MORC1: variants seen among roughly 807,000 people sequenced by gnomAD.
The protein encoded by MORC1 is MORC family CW-type zinc finger 1, also known as MORC family CW-type zinc finger protein 1.
Under a neutral mutation model 134.9 loss-of-function variants are expected in MORC1, and 59 were observed. That is an observed-to-expected ratio of 0.44 (90% confidence interval 0.35 to 0.54). The LOEUF (loss-of-function observed/expected upper bound fraction) is 0.54. MORC1 is among the 20% of genes least tolerant of loss of function. The pLI is 0.00. For synonymous variants in MORC1, 395 were observed against 391.7 expected, an observed-to-expected ratio of 1.01 and a Z score of -0.10; for missense variants, 947 against 1,134.5, an observed-to-expected ratio of 0.83 and a Z score of 2.37.
chr3:109,071,960 T>G (rs1044368092), intron 8 of MORC1, among the ~76,000 whole-genome samples: 3 of 152,206 alleles, frequency 2.0e-5, no homozygotes, highest in Non-Finnish European at 2.9e-5. Context: ...AAGCAAGCCT[T>G]TCTAAGAATA....
chr3:109,072,511 C>G (rs1011512688), intron 8 of MORC1, among the ~76,000 whole-genome samples: 4 of 152,152 alleles, frequency 2.6e-5, no homozygotes, highest in African/African-American at 9.7e-5. Flanking sequence ...GCTGTGAGAT[C>G]CATGAAGCTA....
At chr3:109,027,187 T>C (rs1354096379) in intron 17 of MORC1, among the ~76,000 whole-genome samples, 1 of 152,202 alleles carries the variant, frequency 6.6e-6, no homozygotes, top group East Asian at 1.9e-4. Flanking sequence ...GTTTAATTAT[T>C]AGTCAAGAAA....
At position 109,092,189 on chromosome 3, in the gene MORC1, T is replaced by C. The variant is rs9873588; in HGVS notation, c.689+1247A>G. 3.3e-5 allele frequency among the ~76,000 whole-genome samples: 5 copies of C among 151,952 alleles called. No individual in the cohort carries two copies. The East Asian group carries it at 9.6e-4, about 29-fold the overall frequency. ...CACCGGCATATTAATGCTGGCACAG[T>C]GGTTCCCAGCATTTGTGGAACAGCC... On this transcript the variant is annotated intron_variant, in intron 8 of 27. Coordinates refer to ENST00000232603, the MANE Select transcript of MORC1 (RefSeq NM_014429.4).
chr3:108,970,651 C>T (rs2593942), intron 25 of MORC1, among the ~76,000 whole-genome samples: 149,067 of 152,298 alleles, frequency 0.98, 73,058 homozygotes, highest in Middle Eastern at 1. Flanking sequence ...CAGGCAACAC[C>T]GAGCATGGAG....
At chr3:109,041,619 C>T (rs1949553731) in intron 14 of MORC1, among the ~76,000 whole-genome samples, 2 of 152,116 alleles carry the variant, frequency 1.3e-5, no homozygotes, top group African/African-American at 2.4e-5. Context: ...GAGGCCAAGG[C>T]GGGCAGCTCA....
intron 23 of MORC1, 33 bp from the exon 24 acceptor site, chr3:108,979,700 T>C (rs1947659782): frequency 1.2e-6 from 2 of 1,604,622 alleles, no homozygotes; most frequent in Non-Finnish European, 1.7e-6. Flanking sequence ...AGAAATCATG[T>C]TAGGTATTAA....
chr3:109,027,898 T>C lies in MORC1; in HGVS notation c.1566-9A>G. 6.2e-7 allele frequency: 1 copy of C among 1,612,722 alleles called. No individual in the cohort carries two copies. Among genetic ancestry groups the C allele is most frequent in the Non-Finnish European group, 8.5e-7 (1 of 1,179,316 alleles). ...ATTCTACCTGATGACAACTTCAGAA[T>C]CAACAAGTACAAGATTAACATCAGG... On this transcript the variant is annotated splice_polypyrimidine_tract_variant and intron_variant, in intron 16 of 27. Coordinates refer to ENST00000232603, the MANE Select transcript of MORC1 (RefSeq NM_014429.4).
rs114679116 is a variant in MORC1 at position 109,054,875 on chromosome 3, C to G, written c.1183G>C (p.Ala395Pro). The change falls in exon 14 of 28, where the codon GCA becomes CCA. Residue 395 changes from alanine to proline, a missense_variant. By Grantham distance (27) the Ala-to-Pro change is conservative. Around this residue, in one of 3 missense-constraint regions of MORC1, gnomAD observed 722 missense variants for 817.0 expected, o/e 0.88. Transcript: ENST00000232603. ...SQLKLKSLLG[A>P]GVVGIVNIPL... ...ATATTAACAATTCCAACCACGCCTG[C>G]GCCAAGTCTGAGAAAATATATGCAT... The G allele has an allele frequency of 4.4e-6, 7 of 1,594,400 alleles. No homozygotes were observed. The South Asian group carries it at 8.1e-5, about 19-fold the overall frequency.
At chr3:109,100,786 G>A (rs533829186) in intron 4 of MORC1, among the ~76,000 whole-genome samples, 23 of 152,246 alleles carry the variant, frequency 1.5e-4, no homozygotes, top group Non-Finnish European at 2.1e-4. Context: ...GACTGACCAC[G>A]TACAGACTTT....
At chr3:108,988,828 A>G (rs967109016) in intron 21 of MORC1, among the ~76,000 whole-genome samples, 15 of 152,278 alleles carry the variant, frequency 9.9e-5, no homozygotes, top group African/African-American at 3.6e-4. Flanking sequence ...CAGCCTCACG[A>G]AATTAATTAT....
intron 2 of MORC1, among the ~76,000 whole-genome samples, chr3:109,111,012 T>C (rs1951154037): frequency 7.7e-6 from 1 of 130,158 alleles, no homozygotes; most frequent in South Asian, 2.4e-4. Flanking sequence ...TGGAATTTAG[T>C]GGGAATTACA....
In MORC1 at chr3:108,971,430, G is replaced by T. The variant is rs371458779; in HGVS notation, c.2478-28C>A. 5 of 1,582,418 alleles carry T rather than the reference G, an allele frequency of 3.2e-6. No individual in the cohort carries two copies. The African/African-American group carries it at 6.7e-5, about 21-fold the overall frequency. On this transcript the variant is annotated intron_variant, in intron 24 of 27. Transcript: ENST00000232603. ...AGGAATACAAGCACAGCAGATATGG[G>T]AATATACTAGGATAACAGAGGTAGC...
chr3:108,965,243 C>G (rs971543976), intron 26 of MORC1, among the ~76,000 whole-genome samples: 1 of 151,954 alleles, frequency 6.6e-6, no homozygotes, highest in Non-Finnish European at 1.5e-5. Flanking sequence ...ATAAAATAAA[C>G]CAAAACAAAT....
In MORC1 at chr3:109,061,979, A is replaced by T; in HGVS notation, c.966+9T>A. ...CATTTAATAAGACTACTCTCTTTAC[A>T]TGTCGTACCTTGGCAGAAGATAAAG... On this transcript the variant is annotated intron_variant, in intron 11 of 27. Coordinates refer to ENST00000232603, the MANE Select transcript of MORC1 (RefSeq NM_014429.4). The T allele has an allele frequency of 6.2e-7, 1 of 1,612,484 alleles. No homozygotes were observed. The highest frequency in any genetic ancestry group is 8.5e-7 in the Non-Finnish European group (1 of 1,178,568).
chr3:109,101,465 G>A (rs907476401), intron 4 of MORC1: 1 of 152,222 alleles, frequency 6.6e-6, no homozygotes, highest in Non-Finnish European at 1.5e-5. Context: ...TGTTCTTCTT[G>A]TTGGCCTACC....
At chr3:109,008,680 CT>C (rs5851632) in intron 17 of MORC1, among the ~76,000 whole-genome samples, 63,269 of 151,426 alleles carry the variant, frequency 0.42, 13,840 homozygotes, top group Middle Eastern at 0.55. Flanking sequence ...ATTGTATTTT[CT>C]TTTTTTCTGG....
chr3:109,099,170 G>A (rs1175398941), intron 6 of MORC1, among the ~76,000 whole-genome samples, 188 bp downstream of exon 6: 1 of 152,198 alleles, frequency 6.6e-6, no homozygotes, highest in Non-Finnish European at 1.5e-5. Context: ...GAAGTTCTCA[G>A]GAAAGGGTCA....
chr3:109,041,216 C>G (rs1370461944), intron 14 of MORC1, among the ~76,000 whole-genome samples: 1 of 151,394 alleles, frequency 6.6e-6, no homozygotes, highest in African/African-American at 2.4e-5. Context: ...GAGGCTGAAG[C>G]AGGAAAATGG....
At chr3:109,110,720 A>C (rs1576756832) in intron 3 of MORC1, 29 bp downstream of exon 3, 1 of 1,559,616 alleles carries the variant, frequency 6.4e-7, no homozygotes, top group Non-Finnish European at 8.7e-7. Flanking sequence ...CATTAGAAGA[A>C]AATAAAAGAA....
Sources: gnomAD v4.1 joint callset for allele counts (sites outside exome capture counted in the v4.1 genomes callset) on GRCh38, gnomAD v4.1.1 for gene constraint, gnomAD v4.1.1 regional missense constraint, MANE v1.5 for transcripts, NCBI Gene and HGNC (gene_info 2026-07-23, HGNC 2026-07-21) for gene names.